UBR1: variants seen among roughly 807,000 people sequenced by gnomAD.
UBR1 encodes E3 ubiquitin-protein ligase UBR1.
UBR1 carries 102 observed loss-of-function variants against 242.1 expected under a neutral mutation model. The ratio of observed to expected loss-of-function variants is 0.42; its 90% confidence interval spans 0.36 to 0.50. The LOEUF is 0.50. Among genes scored for constraint, UBR1 ranks in the 20% least tolerant of loss-of-function variants. The pLI is 0.01. For missense variants in UBR1, 1,772 were observed against 2,101.8 expected, an observed-to-expected ratio of 0.84 and a Z score of 3.07; for synonymous variants, 675 against 684.8, an observed-to-expected ratio of 0.99 and a Z score of 0.22.
At chr15:43,089,504 T>A (rs934418539) in intron 1 of UBR1, among the ~76,000 whole-genome samples, 1 of 151,914 alleles carries the variant, frequency 6.6e-6, no homozygotes. Flanking sequence ...CAACCAAAAA[T>A]AAATAAATAA....
intron 1 of UBR1, among the ~76,000 whole-genome samples, chr15:43,100,133 C>T (rs1333470897): frequency 1.3e-5 from 2 of 152,098 alleles, no homozygotes; most frequent in Non-Finnish European, 2.9e-5. Context: ...CCTCGGCCTC[C>T]CAAAGTGCTG....
At chr15:42,997,643 A>G (rs1388613869) in intron 33 of UBR1, among the ~76,000 whole-genome samples, 1 of 152,262 alleles carries the variant, frequency 6.6e-6, no homozygotes, top group Non-Finnish European at 1.5e-5. Flanking sequence ...TTTTGTTATT[A>G]CAAACATTAC....
intron 20 of UBR1, among the ~76,000 whole-genome samples, chr15:43,031,750 C>T (rs925091306): frequency 8.5e-5 from 13 of 152,118 alleles, no homozygotes; most frequent in African/African-American, 4.8e-5. Context: ...CAGCCGGGCG[C>T]GGTGGCTCAC....
chr15:43,105,929 T>G lies in UBR1; in HGVS notation c.81+13A>C. The G allele has an allele frequency of 6.2e-7, 1 of 1,613,350 alleles. No individual in the cohort carries two copies. Among genetic ancestry groups the G allele is most frequent in the Non-Finnish European group, 8.5e-7 (1 of 1,179,574 alleles). On this transcript the variant is annotated intron_variant, in intron 1 of 46. Transcript: ENST00000290650. ...GGGGGGAGGACAAAAGAGACTTGCC[T>G]ATAGGGACTTACAGATGCCAGACGC...
intron 2 of UBR1, among the ~76,000 whole-genome samples, chr15:43,083,220 C>CAT (rs137913150): frequency 0.01 from 1,593 of 152,258 alleles, 28 homozygotes; most frequent in African/African-American, 0.036. Flanking sequence ...TGATGCCTGG[C>CAT]ATATAGTGGG....
chr15:43,015,051 C>T (rs952036376), intron 29 of UBR1, among the ~76,000 whole-genome samples: 1 of 151,610 alleles, frequency 6.6e-6, no homozygotes, highest in Non-Finnish European at 1.5e-5. Context: ...GCCAGCCACC[C>T]CGTCCGGGAG....
intron 46 of UBR1, among the ~76,000 whole-genome samples, chr15:42,948,542 A>G (rs903829292): frequency 2.6e-5 from 4 of 152,084 alleles, no homozygotes; most frequent in Non-Finnish European, 5.9e-5. Context: ...TCTGACAAAG[A>G]GCTAATATCC....
At chr15:43,012,353 G>A (rs895644073) in intron 29 of UBR1, among the ~76,000 whole-genome samples, 5 of 152,090 alleles carry the variant, frequency 3.3e-5, no homozygotes, top group Non-Finnish European at 2.9e-5. Flanking sequence ...TAGAAAACAC[G>A]AAACAAGCCT....
intron 44 of UBR1, among the ~76,000 whole-genome samples, chr15:42,957,298 C>T (rs2031937325): frequency 6.6e-6 from 1 of 152,116 alleles, no homozygotes; most frequent in South Asian, 2.1e-4. Context: ...TCATTCCTTT[C>T]ATATAATATA....
intron 3 of UBR1, among the ~76,000 whole-genome samples, chr15:43,081,352 CGTT>C (rs2033971717): frequency 7.3e-6 from 1 of 137,626 alleles, no homozygotes; most frequent in African/African-American, 2.7e-5. Context: ...AGGAGGCGGA[CGTT>C]GTGGTGAGCC....
chr15:43,102,173 C>A (rs1220433516), intron 1 of UBR1, among the ~76,000 whole-genome samples: 1 of 152,112 alleles, frequency 6.6e-6, no homozygotes, highest in East Asian at 1.9e-4. Flanking sequence ...CTATTCCTTA[C>A]CTTTTGCCTC....
chr15:42,960,541 A>G (rs1337737519), intron 43 of UBR1, 104 bp downstream of exon 43: 1 of 1,135,050 alleles, frequency 8.8e-7, no homozygotes, highest in Non-Finnish European at 1.3e-6. Flanking sequence ...CACTGTACTG[A>G]GTGAGAATGA....
At chr15:42,978,000 T>TA in intron 37 of UBR1, 53 bp from the exon 38 acceptor site, 1 of 1,474,276 alleles carries the variant, frequency 6.8e-7, no homozygotes, top group Non-Finnish European at 9.5e-7. Context: ...GCAGTGTAGG[T>TA]AAATAAAATG....
chr15:43,105,916 A>G, intron 1 of UBR1, 26 bp downstream of exon 1: 1 of 1,612,344 alleles, frequency 6.2e-7, no homozygotes, highest in Non-Finnish European at 8.5e-7. Flanking sequence ...GGGGAGGACA[A>G]AAGAGACTTG....
In UBR1 at chr15:42,964,048, A is replaced by G. The variant is rs1469066873; in HGVS notation, c.4592-5T>C. On this transcript the variant is annotated splice_polypyrimidine_tract_variant and splice_region_variant and intron_variant, in intron 41 of 46. Coordinates refer to ENST00000290650, the MANE Select transcript of UBR1 (RefSeq NM_174916.3). ...TGTACTCTCCTTCTGCAGAATCTGC[A>G]AGAGAATAAAAATACATTTAATAAG... is the stretch of plus-strand genomic sequence containing the variant. 1.3e-6 allele frequency: 2 copies of G among 1,584,188 alleles called. No homozygotes were observed. Among genetic ancestry groups the G allele is most frequent in the South Asian group, 1.1e-5 (1 of 90,390 alleles).
At chr15:43,047,835 A>G (rs1055284616) in intron 13 of UBR1, among the ~76,000 whole-genome samples, 4 of 152,214 alleles carry the variant, frequency 2.6e-5, no homozygotes, top group African/African-American at 4.8e-5. Context: ...TAAGATTGCT[A>G]TAAGGCTCAA....
intron 20 of UBR1, 29 bp downstream of exon 20, chr15:43,032,532 CATGTTCT>C: frequency 7.1e-7 from 1 of 1,413,360 alleles, no homozygotes; most frequent in Non-Finnish European, 9.9e-7. Flanking sequence ...AAAAGTAACC[CATGTTCT>C]ATTTCAAAAC....
chr15:43,012,925 A>G (rs1365884709), intron 29 of UBR1, among the ~76,000 whole-genome samples: 1 of 151,696 alleles, frequency 6.6e-6, no homozygotes, highest in African/African-American at 2.4e-5. Flanking sequence ...TTTTTTTTTG[A>G]GATGGAGTCT....
At chr15:43,008,399 C>T (rs1175544959) in intron 29 of UBR1, among the ~76,000 whole-genome samples, 2 of 152,394 alleles carry the variant, frequency 1.3e-5, no homozygotes, top group Middle Eastern at 3.4e-3. Context: ...TGTGTGCACA[C>T]TAGGGGCGGT....
Sources: gnomAD v4.1 joint callset for allele counts (sites outside exome capture counted in the v4.1 genomes callset) on GRCh38, gnomAD v4.1.1 for gene constraint, MANE v1.5 for transcripts, NCBI Gene and HGNC (gene_info 2026-07-23, HGNC 2026-07-21) for gene names.